The following MEF2D variants were observed in gnomAD, a reference collection of about 807,000 sequenced individuals.
MEF2D encodes the protein myocyte-specific enhancer factor 2D.
MEF2D carries 10 observed loss-of-function variants against 59.3 expected under a neutral mutation model. The ratio of observed to expected loss-of-function variants is 0.17; its 90% CI spans 0.10 to 0.29. The LOEUF is 0.29. Among genes scored for constraint, MEF2D ranks in the 10% least tolerant of loss-of-function variants. The pLI, the probability that MEF2D is intolerant of heterozygous loss-of-function variation, is 1.00. For synonymous variants in MEF2D, 305 were observed against 295.0 expected (o/e 1.03, Z -0.35); for missense variants, 508 against 699.4 (o/e 0.73, Z 3.09).
chr1:156,482,792 G>A (rs926567683), intron 2 of MEF2D, 152 bp from the exon 3 acceptor site: 6 of 723,448 alleles, frequency 8.3e-6, no homozygotes, highest in Non-Finnish European at 1.4e-5. Flanking sequence ...CCTGGTTTGG[G>A]GAAGGACCAG....
chr1:156,493,676 G>A lies in MEF2D; in HGVS notation c.-139+6810C>T, dbSNP rs113863040. 5.1e-3 allele frequency among the ~76,000 whole-genome samples: 776 copies of A among 152,248 alleles called. 7 individuals carry two copies. Among genetic ancestry groups the A allele is most frequent in the African/African-American group, 0.018 (746 of 41,520 alleles). On this transcript the variant is annotated intron_variant, in intron 1 of 11. Transcript: ENST00000348159. ...CTTCTCACCCTTTCATGAGGATGCC[G>A]TGCAGGGACCCCTCAGATTTTTGCC...
intron 1 of MEF2D, among the ~76,000 whole-genome samples, chr1:156,493,137 G>A (rs1397170644): frequency 1.3e-5 from 2 of 152,198 alleles, no homozygotes; most frequent in Non-Finnish European, 2.9e-5. Context: ...AGCAGATGAA[G>A]GGGGTCTGAG....
chr1:156,490,016 T>C lies in MEF2D; in HGVS notation c.-138-6586A>G, dbSNP rs1672681126. Among the ~76,000 whole-genome samples, 3 of 152,254 alleles carry C rather than the reference T, an allele frequency of 2.0e-5. No individual in the cohort carries two copies. In the South Asian group the frequency reaches 6.2e-4, roughly 32 times the overall value. On this transcript the variant is annotated intron_variant, in intron 1 of 11. Transcript: ENST00000348159. ...AGACAGGGCAGGAAGGTGAAGCCGG[T>C]GATGCCCCCAAACACCCAGGCAAGA...
At position 156,467,163 on chromosome 1, in the gene MEF2D, C is replaced by T. The variant is rs894644579; in HGVS notation, c.*482G>A. The T allele has an allele frequency of 6.6e-6, 1 of 152,532 alleles. No individual in the cohort carries two copies. Among genetic ancestry groups the T allele is most frequent in the African/African-American group, 2.4e-5 (1 of 41,406 alleles). 9.4% of individuals were successfully genotyped at this position (152,532 alleles called of 1,614,324 possible). On this transcript the variant is annotated 3_prime_UTR_variant, in exon 12 of 12. Coordinates refer to ENST00000348159, the MANE Select transcript of MEF2D (RefSeq NM_005920.4). ...CTCACTTTCCCCTTGAAACACAAAC[C>T]CACCCATCAAGCCCACTTTGGGGTT...
In MEF2D at chr1:156,468,837, GGCT is replaced by G; in HGVS notation, c.1187_1189del (p.Gln396del). 1 of 1,614,092 alleles carries G rather than the reference GGCT, an allele frequency of 6.2e-7. No individual in the cohort carries two copies. The highest frequency in any genetic ancestry group is 8.5e-7 in the Non-Finnish European group (1 of 1,179,976). The stretch of plus-strand genomic sequence containing the variant: ...GGACTGTTGCTGAGGTGGCTGTTGC[GGCT>G]GCTGAGGCTGCTGTGGCTGTGGCTG... On this transcript the variant is annotated inframe_deletion, in exon 10 of 12. Transcript: ENST00000348159. The surrounding 1 kb of genome is among the most constrained non-coding windows in gnomAD (Gnocchi z 4.3).
At chr1:156,491,619 C>T (rs1357347944) in intron 1 of MEF2D, among the ~76,000 whole-genome samples, 3 of 152,230 alleles carry the variant, frequency 2.0e-5, no homozygotes, top group African/African-American at 7.2e-5. Flanking sequence ...CCAATCCCCT[C>T]ACACACTGGG....
rs1469173013 is a variant in MEF2D, at chr1:156,479,776, G to A, written c.417C>T (p.Asn139=). Residue 139 remains asparagine (N), a synonymous_variant, in exon 5 of 12, where the codon AAC becomes AAT. Transcript: ENST00000348159. ...CGGGCACCGTGACAGGCATGGCAAA[G>A]TTGGGGGCCGGGACAGTTGACTAGA... ...RRYGSTVPAP[N]FAMPVTVPVS... 1 of 1,551,696 alleles carries A rather than the reference G, an allele frequency of 6.4e-7. No individual in the cohort carries two copies. The highest frequency in any genetic ancestry group is 2.0e-5 in the Admixed American group (1 of 51,006).
rs1316418354 is a variant in MEF2D at position 156,468,730 on chromosome 1, G to A, written c.1247+50C>T. 15 of 1,583,090 alleles carry A rather than the reference G, an allele frequency of 9.5e-6. No homozygotes were observed. Among genetic ancestry groups the A allele is most frequent in the South Asian group, 3.4e-5 (3 of 87,816 alleles). On this transcript the variant is annotated intron_variant, in intron 10 of 11. Coordinates refer to ENST00000348159, the MANE Select transcript of MEF2D (RefSeq NM_005920.4). The surrounding 1 kb of genome is among the most constrained non-coding windows in gnomAD (Gnocchi z 4.3). ...CTCCCAAGAGGTCCCTCCTCTTCCC[G>A]TTCAATTCTCCCTTCCCACACACTC...
At chr1:156,483,533 A>G in intron 1 of MEF2D, 103 bp from the exon 2 acceptor site, 1 of 574,346 alleles carries the variant, frequency 1.7e-6, no homozygotes, top group Non-Finnish European at 3.1e-6. Context: ...AGAGGCTGGC[A>G]GCATCTGAGC....
At position 156,471,233 on chromosome 1, in the gene MEF2D, C is replaced by T. The variant is rs150961176; in HGVS notation, c.1007-2213G>A. Reference sequence around the variant, plus strand: ...GCAACCTCTGCCTCCCAGGTTCAAGCGCTTTTCCTACCTCAGCTTCCCGAG... The same window carrying T: ...GCAACCTCTGCCTCCCAGGTTCAAGTGCTTTTCCTACCTCAGCTTCCCGAG... On this transcript the variant is annotated intron_variant, in intron 9 of 11. Coordinates refer to ENST00000348159, the MANE Select transcript of MEF2D (RefSeq NM_005920.4). Among the ~76,000 whole-genome samples, 553 of 152,188 alleles carry T rather than the reference C, an allele frequency of 3.6e-3. 5 individuals carry two copies. The highest frequency in any genetic ancestry group is 0.013 in the African/African-American group (536 of 41,518).
chr1:156,484,118 TAGTG>T (rs1437288869), intron 1 of MEF2D: 2 of 152,272 alleles, frequency 1.3e-5, no homozygotes, highest in African/African-American at 2.4e-5. Context: ...TCAAGTGCAG[TAGTG>T]AGAAGAGAAG....
intron 9 of MEF2D, 41 bp from the exon 10 acceptor site, chr1:156,469,061 G>C: frequency 1.3e-6 from 2 of 1,559,906 alleles, no homozygotes; most frequent in Non-Finnish European, 1.7e-6. Flanking sequence ...GAGTTGGGGA[G>C]AGCACACAGG....
chr1:156,468,209 G>A lies in MEF2D; in HGVS notation c.1338C>T (p.Ser446=). The change falls in exon 11 of 12, where the codon AGC becomes AGT. Residue 446 remains serine (S), a synonymous_variant. Transcript: ENST00000348159. This position sits in a 1 kb window ranked among gnomAD's most constrained non-coding sequence, Gnocchi z 4.3. ...ISIKSEPVSP[S]RERSPAPPPP... ...GGGGAGGCGCAGGGCTGCGCTCACG[G>A]CTTGGGGACACCGGTTCTGACTTGA... The A allele has an allele frequency of 6.2e-7, 1 of 1,612,774 alleles. No individual in the cohort carries two copies. The highest frequency in any genetic ancestry group is 8.5e-7 in the Non-Finnish European group (1 of 1,179,200).
rs778809811 is a variant in MEF2D at position 156,468,121 on chromosome 1, C to T, written c.1426G>A (p.Gly476Arg). The stretch of plus-strand genomic sequence containing the variant: ...TCCCGGTCTCCCGTCTCATAGGATC[C>T]CCCGGCTGGGCTGCTGAGACCATCG... ...PGDGLSSPAG[G>R]SYETGDRDDG... The change falls in exon 11 of 12, where the codon GGA becomes AGA. Residue 476 changes from glycine to arginine, a missense_variant. Transcript: ENST00000348159. The surrounding 1 kb of genome is among the most constrained non-coding windows in gnomAD (Gnocchi z 4.3). 6.2e-7 allele frequency: 1 copy of T among 1,613,884 alleles called. No homozygotes were observed. Among genetic ancestry groups the T allele is most frequent in the African/African-American group, 1.3e-5 (1 of 74,922 alleles).
chr1:156,489,529 C>T (rs956972581), intron 1 of MEF2D, among the ~76,000 whole-genome samples: 3 of 152,042 alleles, frequency 2.0e-5, no homozygotes, highest in Admixed American at 6.5e-5. Flanking sequence ...GAGGGAGAGG[C>T]AGGAGACCAC....
Position 156,469,028 on chromosome 1 carries a change from G to T in MEF2D, c.1007-8C>A. ...CACTGGTCAACTGGTAATCTGCATG[G>T]AGGAAAAGTGAGGATGAACCTGGAG... On this transcript the variant is annotated splice_region_variant and splice_polypyrimidine_tract_variant and intron_variant, in intron 9 of 11. Coordinates refer to ENST00000348159, the MANE Select transcript of MEF2D (RefSeq NM_005920.4). 6.3e-7 allele frequency: 1 copy of T among 1,583,870 alleles called. No homozygotes were observed. The highest frequency in any genetic ancestry group is 8.6e-7 in the Non-Finnish European group (1 of 1,157,776).
intron 4 of MEF2D, among the ~76,000 whole-genome samples, chr1:156,480,154 T>TCA (rs889396909): frequency 6.6e-6 from 1 of 152,082 alleles, no homozygotes; most frequent in African/African-American, 2.4e-5. Context: ...AGACTCAAAT[T>TCA]CACACACGGC....
At chr1:156,500,168 C>T (rs1673399957) in intron 1 of MEF2D, among the ~76,000 whole-genome samples, 1 of 152,096 alleles carries the variant, frequency 6.6e-6, no homozygotes, top group Admixed American at 6.5e-5. Flanking sequence ...CGCTCGGAGG[C>T]CGTCGTAAAC....
intron 1 of MEF2D, among the ~76,000 whole-genome samples, chr1:156,492,428 C>A (rs548606233): frequency 6.6e-6 from 1 of 152,238 alleles, no homozygotes; most frequent in Non-Finnish European, 1.5e-5. Flanking sequence ...GGCATGGAGG[C>A]CCCAGCATTG....
Sources: gnomAD v4.1 joint callset for allele counts (sites outside exome capture counted in the v4.1 genomes callset) on GRCh38, gnomAD v4.1.1 for gene constraint, Gnocchi (gnomAD v3.1) non-coding constraint, MANE v1.5 for transcripts, NCBI Gene and HGNC (gene_info 2026-07-23, HGNC 2026-07-21) for gene names.